The following DENND2C variants were observed in gnomAD, a reference collection of about 807,000 sequenced individuals.
DENND2C encodes the protein DENN domain containing 2C.
A neutral mutation model predicts 112.4 loss-of-function variants in DENND2C; 72 were observed. The ratio of observed to expected loss-of-function variants is 0.64; its 90% CI spans 0.53 to 0.78. DENND2C has a LOEUF of 0.78. Ranked by LOEUF, DENND2C falls within the 30% of genes least tolerant of loss-of-function variation. The pLI, the probability that DENND2C is intolerant of heterozygous loss-of-function variation, is 0.00. For synonymous variants in DENND2C, 329 were observed against 381.6 expected, an observed-to-expected ratio of 0.86 and a Z score of 1.61; for missense variants, 992 against 1,113.8, an observed-to-expected ratio of 0.89 and a Z score of 1.56.
In DENND2C at chr1:114,609,627, C is replaced by T. The variant is rs376222264; in HGVS notation, c.1370-754G>A. On this transcript the variant is annotated intron_variant, in intron 9 of 20. Transcript: ENST00000393274. ...ATTTTGAGCAATCTGGGGTGGTCCC[C>T]ACTGAAGGAAACTGTGGACTTGCAG... Among the ~76,000 whole-genome samples the T allele has an allele frequency of 1.3e-3, 194 of 152,292 alleles. 1 individual carries two copies. Among genetic ancestry groups the T allele is most frequent in the African/African-American group, 4.3e-3 (179 of 41,568 alleles).
rs116375115 is a variant in DENND2C, at chr1:114,669,113, A to G, written c.-574+870T>C. 3.3e-3 allele frequency among the ~76,000 whole-genome samples: 497 copies of G among 152,350 alleles called. 3 individuals carry two copies. Among genetic ancestry groups the G allele is most frequent in the African/African-American group, 0.011 (471 of 41,576 alleles). On this transcript the variant is annotated intron_variant, in intron 1 of 20. Transcript: ENST00000393274. Reference sequence around the variant, plus strand: ...TAAGCAAGGATCTATCACTTTATCTAAAACACTGCAGAAGAATCACTAGCT... The same window carrying G: ...TAAGCAAGGATCTATCACTTTATCTGAAACACTGCAGAAGAATCACTAGCT...
At chr1:114,623,198 TCTTA>T in intron 5 of DENND2C, 99 bp from the exon 6 acceptor site, 3 of 1,155,216 alleles carry the variant, frequency 2.6e-6, no homozygotes, top group Non-Finnish European at 3.6e-6. Context: ...TGTTCAGCTT[TCTTA>T]TTCTACATTG....
rs190426499 is a variant in DENND2C, at chr1:114,597,965, C to T, written c.2283+1309G>A. Among the ~76,000 whole-genome samples the T allele has an allele frequency of 1.0e-3, 158 of 152,278 alleles. 1 individual carries two copies. Among genetic ancestry groups the T allele is most frequent in the African/African-American group, 3.6e-3 (148 of 41,552 alleles). ...CACCCACCAGATAGGCTAAATTATACAACTGATGATAAAAAGTGATGGTGA... is the reference window on the plus strand; with the variant it reads ...CACCCACCAGATAGGCTAAATTATATAACTGATGATAAAAAGTGATGGTGA... On this transcript the variant is annotated intron_variant, in intron 16 of 20. Transcript: ENST00000393274.
In DENND2C at chr1:114,625,589, T is replaced by G; in HGVS notation, c.396A>C (p.Leu132Phe). 2 of 1,614,182 alleles carry G rather than the reference T, an allele frequency of 1.2e-6. No individual in the cohort carries two copies. The highest frequency in any genetic ancestry group is 1.7e-6 in the Non-Finnish European group (2 of 1,180,014). The change falls in exon 4 of 21, where the codon TTA becomes TTC. Residue 132 changes from leucine (L) to phenylalanine (F), a missense_variant. Physicochemically the swap from Leu to Phe is conservative, Grantham distance 22. Around this residue, in one of 3 missense-constraint regions of DENND2C, gnomAD observed 470 missense variants for 472.7 expected, o/e 0.99. Coordinates refer to ENST00000393274, the MANE Select transcript of DENND2C (RefSeq NM_001256404.2). ...CTGGAGGTAATGAAGTCTCTGGATC[T>G]AAGACATCTTCTTTACAGCTTTCAA... is the stretch of plus-strand genomic sequence containing the variant. ...KEIESCKEDVLDPETSLPPGN... is the reference protein window; with the variant it reads ...KEIESCKEDVFDPETSLPPGN...
intron 8 of DENND2C, among the ~76,000 whole-genome samples, chr1:114,616,245 G>T (rs996973720): frequency 6.6e-6 from 1 of 151,648 alleles, no homozygotes; most frequent in Non-Finnish European, 1.5e-5. Context: ...CAAAAAATTA[G>T]CTGGGTGTGG....
Position 114,622,006 on chromosome 1 carries a change from A to G in DENND2C, c.1116T>C (p.Ala372=). 2 of 1,550,858 alleles carry G rather than the reference A, an allele frequency of 1.3e-6. No homozygotes were observed. The highest frequency in any genetic ancestry group is 2.4e-5 in the East Asian group (1 of 40,926). ...RKTMEVKNSQ[A]YLRSKLTKDT... is the part of the protein sequence containing the mutation. ...CTTTTGTAAGCTTTGACCGCAAATA[A>G]GCCTGTGAGTTCTTTACTTCCATAG... Residue 372 remains alanine, a synonymous_variant, in exon 7 of 21, where the codon GCT becomes GCC. Coordinates refer to ENST00000393274, the MANE Select transcript of DENND2C (RefSeq NM_001256404.2).
At chr1:114,661,285 T>A (rs912835994) in intron 1 of DENND2C, among the ~76,000 whole-genome samples, 1 of 152,206 alleles carries the variant, frequency 6.6e-6, no homozygotes, top group Non-Finnish European at 1.5e-5. Flanking sequence ...TAGAGCTATG[T>A]CATCACTAAG....
intron 10 of DENND2C, among the ~76,000 whole-genome samples, chr1:114,606,417 C>T (rs1655658309): frequency 6.6e-6 from 1 of 152,132 alleles, no homozygotes; most frequent in Non-Finnish European, 1.5e-5. Flanking sequence ...AGTTGTACTT[C>T]ACCAGCTTTT....
At chr1:114,651,369 T>G (rs1158824776) in intron 2 of DENND2C, among the ~76,000 whole-genome samples, 1 of 151,582 alleles carries the variant, frequency 6.6e-6, no homozygotes, top group African/African-American at 2.4e-5. Context: ...GGTGGATCAC[T>G]TGAGCCCAGG....
chr1:114,650,046 A>G (rs796811593), intron 2 of DENND2C, among the ~76,000 whole-genome samples: 2 of 151,684 alleles, frequency 1.3e-5, no homozygotes, highest in Non-Finnish European at 2.9e-5. Flanking sequence ...TTTTGGCCAG[A>G]CTCGGTGGCT....
At chr1:114,624,042 G>A (rs1360441104) in intron 4 of DENND2C, among the ~76,000 whole-genome samples, 1 of 152,142 alleles carries the variant, frequency 6.6e-6, no homozygotes, top group East Asian at 1.9e-4. Flanking sequence ...AAATTGGTAT[G>A]GGAGACAGAA....
Position 114,585,552 on chromosome 1 carries a change from T to G in DENND2C, c.*48A>C, listed in dbSNP as rs778127344. 2 of 1,600,440 alleles carry G rather than the reference T, an allele frequency of 1.2e-6. No individual in the cohort carries two copies. The highest frequency in any genetic ancestry group is 4.5e-5 in the East Asian group (2 of 44,798). Reference sequence around the variant, plus strand: ...GATCCTGACCCTTAGAAAAATATTTTCTTTGGCACTTTCTGTTGTATATTC... The same window carrying G: ...GATCCTGACCCTTAGAAAAATATTTGCTTTGGCACTTTCTGTTGTATATTC... On this transcript the variant is annotated 3_prime_UTR_variant, in exon 21 of 21. Coordinates refer to ENST00000393274, the MANE Select transcript of DENND2C (RefSeq NM_001256404.2).
chr1:114,611,049 G>A (rs1321416332), intron 9 of DENND2C, 24 bp downstream of exon 9: 15 of 1,614,032 alleles, frequency 9.3e-6, no homozygotes, highest in Non-Finnish European at 1.2e-5. Context: ...ACAACAACGG[G>A]AGCAGCCCCA....
In DENND2C at chr1:114,625,768, C is replaced by T. The variant is rs1379412803; in HGVS notation, c.217G>A (p.Val73Ile). ...AGACCCACATTTTCACGGCTGGTTA[C>T]ATCCAAGTTTTTGCTCTTTCTCTCA... ...IAERKSKNLD[V>I]TSRENVGLDI... The change falls in exon 4 of 21, where the codon GTA becomes ATA. Residue 73 changes from valine (V) to isoleucine (I), a missense_variant. This residue lies in a region of DENND2C where 470 missense variants were observed against 472.7 expected (regional missense o/e 0.99). Transcript: ENST00000393274. 1 of 1,614,092 alleles carries T rather than the reference C, an allele frequency of 6.2e-7. No individual in the cohort carries two copies. The highest frequency in any genetic ancestry group is 1.7e-5 in the Admixed American group (1 of 60,014).
intron 8 of DENND2C, 51 bp downstream of exon 8, chr1:114,618,335 C>T (rs1425630533): frequency 1.5e-6 from 2 of 1,316,642 alleles, no homozygotes; most frequent in Non-Finnish European, 2.1e-6. Flanking sequence ...GGTGATTCTC[C>T]TCTCATATCC....
At chr1:114,587,580 A>G in intron 19 of DENND2C, 107 bp from the exon 20 acceptor site, 2 of 1,444,062 alleles carry the variant, frequency 1.4e-6, no homozygotes, top group South Asian at 2.4e-5. Context: ...CTAAAACAAT[A>G]TTACAAAATA....
chr1:114,651,226 C>T (rs1314954346), intron 2 of DENND2C, among the ~76,000 whole-genome samples: 2 of 151,138 alleles, frequency 1.3e-5, no homozygotes, highest in East Asian at 1.9e-4. Flanking sequence ...TCACTTGAGG[C>T]TAAGAGTTTG....
chr1:114,669,296 GC>G (rs1416070994), intron 1 of DENND2C, among the ~76,000 whole-genome samples: 1 of 152,126 alleles, frequency 6.6e-6, no homozygotes, highest in Non-Finnish European at 1.5e-5. Context: ...GCATGAACTT[GC>G]CAGTTTCACA....
chr1:114,668,243 A>G (rs1351338264), intron 1 of DENND2C, among the ~76,000 whole-genome samples: 3 of 152,194 alleles, frequency 2.0e-5, no homozygotes, highest in African/African-American at 7.2e-5. Flanking sequence ...AAGTAGCTTC[A>G]AAAGACCCAT....
Sources: allele counts gnomAD v4.1 joint callset (sites outside exome capture counted in the v4.1 genomes callset), GRCh38; gene constraint gnomAD v4.1.1; regional missense constraint gnomAD v4.1.1; transcripts MANE v1.5; gene names NCBI Gene and HGNC (gene_info 2026-07-23, HGNC 2026-07-21).